Variants in ADAMTS2 observed in about 807,000 individuals in gnomAD.
ADAMTS2 encodes the protein ADAM metallopeptidase with thrombospondin type 1 motif 2, also known as A disintegrin and metalloproteinase with thrombospondin motifs 2.
Under a neutral mutation model 123.0 loss-of-function variants are expected in ADAMTS2, and 50 were observed. The ratio of observed to expected loss-of-function variants is 0.41; its 90% CI spans 0.32 to 0.51. The LOEUF is 0.51. ADAMTS2 is among the 20% of genes least tolerant of loss of function. The pLI is 0.35. For missense variants in ADAMTS2, 1,494 were observed against 1,705.2 expected (o/e 0.88, Z 2.18); for synonymous variants, 678 against 695.4 (o/e 0.98, Z 0.39).
At chr5:179,126,801 C>T (rs1163595927) in intron 17 of ADAMTS2, among the ~76,000 whole-genome samples, 2 of 152,164 alleles carry the variant, frequency 1.3e-5, no homozygotes, top group Non-Finnish European at 2.9e-5. Context: ...TGCCTGGAGG[C>T]ATCCCAGGAA....
intron 12 of ADAMTS2, among the ~76,000 whole-genome samples, chr5:179,136,647 G>A (rs1358484714): frequency 6.8e-6 from 1 of 146,946 alleles, no homozygotes; most frequent in African/African-American, 2.5e-5. Flanking sequence ...ACTCCAGCCT[G>A]GGTGACGGAG....
intron 9 of ADAMTS2, 68 bp from the exon 10 acceptor site, chr5:179,152,323 C>T: frequency 6.7e-7 from 1 of 1,491,014 alleles, no homozygotes; most frequent in Non-Finnish European, 9.3e-7. Flanking sequence ...TGCCACCCAC[C>T]CCCGGGTTCT....
At chr5:179,340,916 C>G (rs1001928073) in intron 2 of ADAMTS2, among the ~76,000 whole-genome samples, 1 of 152,208 alleles carries the variant, frequency 6.6e-6, no homozygotes, top group East Asian at 1.9e-4. Context: ...TCCGCAGCAA[C>G]GTGAGGCACA....
chr5:179,276,040 T>C (rs1766685563), intron 2 of ADAMTS2, among the ~76,000 whole-genome samples: 1 of 152,010 alleles, frequency 6.6e-6, no homozygotes, highest in East Asian at 1.9e-4. Flanking sequence ...AGCAGGGCTG[T>C]GGGAGGAGAG....
At chr5:179,341,560 A>T (rs1016760808) in intron 2 of ADAMTS2, among the ~76,000 whole-genome samples, 7 of 152,086 alleles carry the variant, frequency 4.6e-5, no homozygotes, top group Non-Finnish European at 8.8e-5. Flanking sequence ...AAAATAAAAA[A>T]AAATTAGCTG....
chr5:179,187,538 C>A (rs1298008878), intron 4 of ADAMTS2, among the ~76,000 whole-genome samples: 1 of 152,186 alleles, frequency 6.6e-6, no homozygotes, highest in East Asian at 1.9e-4. Flanking sequence ...AAATGTATGA[C>A]CCAGCGTAGG....
In ADAMTS2 at chr5:179,128,370, G is replaced by A. The variant is rs1467699554; in HGVS notation, c.2458-252C>T. Among the ~76,000 whole-genome samples the A allele has an allele frequency of 6.6e-6, 1 of 152,158 alleles. No homozygotes were observed. The highest frequency in any genetic ancestry group is 1.5e-5 in the Non-Finnish European group (1 of 68,016). ...ATCAATATATAACCTTGTTTTATGT[G>A]TGAGTCTGTTTATTTTTTTGTTTGT... On this transcript the variant is annotated intron_variant, in intron 16 of 21. Coordinates refer to ENST00000251582, the MANE Select transcript of ADAMTS2 (RefSeq NM_014244.5). The surrounding 1 kb of genome is among the most constrained non-coding windows in gnomAD (Gnocchi z 4.9).
rs751369419 is a variant in ADAMTS2 at position 179,137,776 on chromosome 5, G to C, written c.1944C>G (p.His648Gln). Residue 648 changes from histidine (H) to glutamine (Q), a missense_variant, in exon 12 of 22, where the codon CAC becomes CAG. By Grantham distance (24) the His-to-Gln change is conservative (BLOSUM62 0). This residue lies in a region of ADAMTS2 where 953 missense variants were observed against 1,124.7 expected (regional missense o/e 0.85). Transcript: ENST00000251582. Reference sequence around the variant, plus strand: ...CCTCCCAGAAGGGCTCACCATCCCGGTGCTCGTGGGGCAGCCAGTGGTGCT... The same window carrying C: ...CCTCCCAGAAGGGCTCACCATCCCGCTGCTCGTGGGGCAGCCAGTGGTGCT... ...DAQHHWLPHE[H>Q]RDAKERCHLY... is the part of the protein sequence containing the mutation. The C allele has an allele frequency of 6.4e-7, 1 of 1,570,582 alleles. No homozygotes were observed. Among genetic ancestry groups the C allele is most frequent in the Non-Finnish European group, 8.6e-7 (1 of 1,161,084 alleles).
In ADAMTS2 at chr5:179,317,466, C is replaced by T. The variant is rs575377226; in HGVS notation, c.534+26301G>A. On this transcript the variant is annotated intron_variant, in intron 2 of 21. Coordinates refer to ENST00000251582, the MANE Select transcript of ADAMTS2 (RefSeq NM_014244.5). This position sits in a 1 kb window ranked among gnomAD's most constrained non-coding sequence, Gnocchi z 4.9. ...AGTTCCTCGTGGAGGGAGAGAGATG[C>T]GAGCAGGTGGGCGGAGGGTGCACTC... is the stretch of plus-strand genomic sequence containing the variant. 1.2e-4 allele frequency among the ~76,000 whole-genome samples: 18 copies of T among 152,204 alleles called. No individual in the cohort carries two copies. Among genetic ancestry groups the T allele is most frequent in the African/African-American group, 4.1e-4 (17 of 41,530 alleles).
At chr5:179,210,058 T>A (rs2411812) in intron 3 of ADAMTS2, among the ~76,000 whole-genome samples, 24,746 of 152,196 alleles carry the variant, frequency 0.16, 2,170 homozygotes, top group African/African-American at 0.21. Flanking sequence ...TTTCATGTTT[T>A]AAAAATCTAG....
At chr5:179,290,526 C>T (rs1184572811) in intron 2 of ADAMTS2, among the ~76,000 whole-genome samples, 1 of 152,198 alleles carries the variant, frequency 6.6e-6, no homozygotes, top group African/African-American at 2.4e-5. Flanking sequence ...CTACAAAGTT[C>T]CTGGTTTCAG....
chr5:179,305,481 T>C (rs10074922), intron 2 of ADAMTS2, among the ~76,000 whole-genome samples: 125,996 of 152,086 alleles, frequency 0.83, 52,321 homozygotes, highest in Middle Eastern at 0.87. Context: ...TGAAGAGTTA[T>C]ATAGGTTTAT....
intron 3 of ADAMTS2, among the ~76,000 whole-genome samples, chr5:179,240,330 G>A (rs957862502): frequency 1.3e-5 from 2 of 152,110 alleles, no homozygotes; most frequent in Non-Finnish European, 2.9e-5. Flanking sequence ...ACCAGGACTA[G>A]GGCATTGTTC....
chr5:179,163,234 T>A (rs1763633302), intron 5 of ADAMTS2, among the ~76,000 whole-genome samples: 1 of 152,196 alleles, frequency 6.6e-6, no homozygotes. Context: ...TGAGGCAGGC[T>A]GGTTGCACGA....
rs1762846485 is a variant in ADAMTS2 at position 179,125,880 on chromosome 5, A to G, written c.2750+118T>C. 21 of 1,436,598 alleles carry G rather than the reference A, an allele frequency of 1.5e-5. No homozygotes were observed. In the South Asian group the frequency reaches 1.7e-4, roughly 12 times the overall value. The allele number at this position is 1,436,598 out of a possible 1,614,324, so 89.0% of individuals were successfully genotyped here. A position where few individuals can be genotyped will look rare whatever the true frequency, so the allele number is the denominator to read the frequency against. On this transcript the variant is annotated intron_variant, in intron 18 of 21. Transcript: ENST00000251582. ...TAGATTCCATGAAATGTGGTGAGAGAGACTTGGTCAAATGCCTCGGATGAT... is the reference window on the plus strand; with the variant it reads ...TAGATTCCATGAAATGTGGTGAGAGGGACTTGGTCAAATGCCTCGGATGAT...
At position 179,345,258 on chromosome 5, in the gene ADAMTS2, GGCA is replaced by G. The variant is rs568040559; in HGVS notation, c.68_70del (p.Leu23del). 2,670 of 1,103,128 alleles carry G rather than the reference GGCA, an allele frequency of 2.4e-3. 2 individuals carry two copies. Among genetic ancestry groups the G allele is most frequent in the East Asian group, 0.013 (262 of 20,374 alleles). 68.3% of individuals were successfully genotyped at this position (1,103,128 alleles called of 1,614,324 possible). On this transcript the variant is annotated inframe_deletion, in exon 1 of 22. Coordinates refer to ENST00000251582, the MANE Select transcript of ADAMTS2 (RefSeq NM_014244.5). The surrounding 1 kb of genome is among the most constrained non-coding windows in gnomAD (Gnocchi z 7.5). ...CGGCGGCGGCGGCAGGAGCGGCGGC[GGCA>G]GCAGCAGCAGCAGCAGCAGCAGCGC...
rs1448153128 is a variant in ADAMTS2 at position 179,114,204 on chromosome 5, G to A, written c.3299C>T (p.Thr1100Ile). Residue 1100 changes from threonine (T) to isoleucine (I), a missense_variant, in exon 22 of 22, where the codon ACC (threonine) becomes ATC (isoleucine). Transcript: ENST00000251582. ...TGGCTCTATCCTGCCCTCCACGTTG[G>A]TGAGGTTGTTGTACAGGTTACAGGA... is the stretch of plus-strand genomic sequence containing the variant. ...CKSCNLYNNL[T>I]NVEGRIEPPP... The A allele has an allele frequency of 6.2e-7, 1 of 1,612,078 alleles. No homozygotes were observed. Among genetic ancestry groups the A allele is most frequent in the South Asian group, 1.1e-5 (1 of 91,016 alleles).
chr5:179,134,900 C>T (rs1763032393), intron 13 of ADAMTS2, among the ~76,000 whole-genome samples: 1 of 105,134 alleles, frequency 9.5e-6, no homozygotes, highest in Non-Finnish European at 2.1e-5. Context: ...ACCCCAGCTC[C>T]CGGCTCCAGC....
At chr5:179,190,942 C>A (rs774603639) in intron 4 of ADAMTS2, among the ~76,000 whole-genome samples, 8 of 152,264 alleles carry the variant, frequency 5.3e-5, no homozygotes, top group African/African-American at 1.7e-4. Context: ...GGCACGTCCG[C>A]GAGTGTGACC....
Sources: gnomAD v4.1 joint callset for allele counts (sites outside exome capture counted in the v4.1 genomes callset) on GRCh38, gnomAD v4.1.1 for gene constraint, gnomAD v4.1.1 regional missense constraint, Gnocchi (gnomAD v3.1) non-coding constraint, MANE v1.5 for transcripts, NCBI Gene and HGNC (gene_info 2026-07-23, HGNC 2026-07-21) for gene names.